RGS8: variants seen among roughly 807,000 people sequenced by gnomAD.
RGS8 encodes the protein regulator of G protein signaling 8, also known as regulator of G-protein signaling 8.
RGS8 carries 8 observed loss-of-function variants against 21.7 expected under a neutral mutation model. The ratio of observed to expected loss-of-function variants is 0.37; its 90% CI spans 0.22 to 0.66. The LOEUF (loss-of-function observed/expected upper bound fraction) is 0.66, where lower values mean the gene tolerates loss of function less well. Among genes scored for constraint, RGS8 ranks in the 30% least tolerant of loss-of-function variants. The probability of loss-of-function intolerance (pLI) is 0.59; values close to 1 mark genes in which losing one functional copy is unlikely to be tolerated. For missense variants in RGS8, 157 were observed against 217.9 expected (o/e 0.72, Z 1.76); for synonymous variants, 80 against 83.6 (o/e 0.96, Z 0.24).
the RGS8 span, among the ~76,000 whole-genome samples, chr1:182,721,025 ATGTGTG>A: frequency 1.3e-4 from 11 of 84,592 alleles, no homozygotes; most frequent in Admixed American, 3.6e-4. Context: ...ACACATATAT[ATGTGTG>A]TATATATACA....
the RGS8 span, among the ~76,000 whole-genome samples, chr1:182,750,903 T>C: frequency 1.3e-5 from 2 of 152,202 alleles, no homozygotes; most frequent in African/African-American, 2.4e-5. Context: ...ACTCACTTTA[T>C]ATGAGATATG....
the RGS8 span, among the ~76,000 whole-genome samples, chr1:182,750,546 T>C: frequency 6.6e-6 from 1 of 152,244 alleles, no homozygotes; most frequent in Non-Finnish European, 1.5e-5. Flanking sequence ...AGTTTTTTCT[T>C]GGATTCTTGG....
intron 5 of RGS8, among the ~76,000 whole-genome samples, chr1:182,662,898 C>T (rs1663663794): frequency 6.6e-6 from 1 of 151,958 alleles, no homozygotes; most frequent in Non-Finnish European, 1.5e-5. Flanking sequence ...TAAATGAGTG[C>T]CCAAAACACC....
rs139635521 is a variant in RGS8, at chr1:182,663,631, C to G, written c.193+2338G>C. Among the ~76,000 whole-genome samples the G allele has an allele frequency of 7.1e-4, 108 of 152,242 alleles. 1 individual carries two copies. The highest frequency in any genetic ancestry group is 2.4e-3 in the African/African-American group (100 of 41,540). On this transcript the variant is annotated intron_variant, in intron 5 of 6. Transcript: ENST00000483095. Reference sequence around the variant, plus strand: ...GCAGCCTCAACCTCCTGGGCTTCAGCAAAATCCTCCTGCCTCAGCCTCCCG... The same window carrying G: ...GCAGCCTCAACCTCCTGGGCTTCAGGAAAATCCTCCTGCCTCAGCCTCCCG...
At chr1:182,664,952 C>T (rs962812061) in intron 5 of RGS8, among the ~76,000 whole-genome samples, 4 of 152,230 alleles carry the variant, frequency 2.6e-5, no homozygotes, top group Non-Finnish European at 5.9e-5. Context: ...CTGAGAGTTT[C>T]TGTCAAGACC....
At chr1:182,669,399 T>C (rs1363245942) in intron 3 of RGS8, among the ~76,000 whole-genome samples, 1 of 152,024 alleles carries the variant, frequency 6.6e-6, no homozygotes, top group Non-Finnish European at 1.5e-5. Flanking sequence ...CACCAGTCAA[T>C]GGGAGGGCTT....
At chr1:182,648,102 A>T (rs1378561044) in intron 6 of RGS8, 35 bp downstream of exon 7, 3 of 1,564,102 alleles carry the variant, frequency 1.9e-6, no homozygotes, top group East Asian at 4.5e-5. Flanking sequence ...GCTAGGAGCC[A>T]TGGATAGACA....
chr1:182,673,193 C>T (rs1403015784), upstream of RGS8, among the ~76,000 whole-genome samples: 1 of 152,150 alleles, frequency 6.6e-6, no homozygotes, highest in African/African-American at 2.4e-5. Context: ...GGAGAAATCT[C>T]GACAGAAAGT....
the RGS8 span, among the ~76,000 whole-genome samples, chr1:182,738,994 T>A: frequency 3.9e-5 from 6 of 152,214 alleles, no homozygotes; most frequent in Non-Finnish European, 8.8e-5. Flanking sequence ...AGATCTGTAG[T>A]TGTATCTCTG....
chr1:182,669,518 G>A (rs1025987137), intron 3 of RGS8, 106 bp downstream of exon 4: 19 of 1,519,220 alleles, frequency 1.3e-5, no homozygotes, highest in South Asian at 9.2e-5. Flanking sequence ...AGTAGACCAC[G>A]CATGGGCTCA....
chr1:182,662,811 A>G (rs1663658861), intron 5 of RGS8, among the ~76,000 whole-genome samples: 1 of 152,130 alleles, frequency 6.6e-6, no homozygotes, highest in Admixed American at 6.5e-5. Context: ...TGCCTTGTTC[A>G]TCTTTGTGCT....
the RGS8 span, among the ~76,000 whole-genome samples, chr1:182,719,442 A>G: frequency 6.8e-6 from 1 of 147,738 alleles, no homozygotes; most frequent in Non-Finnish European, 1.5e-5. Context: ...AGTAAACTCT[A>G]TTTTTCTTTT....
At chr1:182,663,685 C>T (rs1055470175) in intron 5 of RGS8, among the ~76,000 whole-genome samples, 9 of 151,716 alleles carry the variant, frequency 5.9e-5, no homozygotes, top group Admixed American at 1.3e-4. Flanking sequence ...CATTCACCAT[C>T]GCACTCCACT....
chr1:182,658,169 C>T (rs1289069675), intron 5 of RGS8, among the ~76,000 whole-genome samples: 1 of 152,204 alleles, frequency 6.6e-6, no homozygotes, highest in Admixed American at 6.5e-5. Context: ...TCCAAGAACA[C>T]ACCTCAGCTG....
chr1:182,649,151 T>A (rs1486441984), intron 5 of RGS8, among the ~76,000 whole-genome samples: 1 of 152,116 alleles, frequency 6.6e-6, no homozygotes, highest in Non-Finnish European at 1.5e-5. Context: ...ATTTAGGAAG[T>A]TGTAGTAATA....
At chr1:182,701,996 A>G in the RGS8 span, among the ~76,000 whole-genome samples, 7 of 152,368 alleles carry the variant, frequency 4.6e-5, no homozygotes, top group East Asian at 1.3e-3. Context: ...GGGAATGTAA[A>G]TTAGTTCAGC....
chr1:182,695,233 G>A, the RGS8 span, among the ~76,000 whole-genome samples: 3 of 152,080 alleles, frequency 2.0e-5, no homozygotes, highest in Non-Finnish European at 4.4e-5. Flanking sequence ...TTTTCATATT[G>A]ACTCTGGAAA....
the RGS8 span, among the ~76,000 whole-genome samples, chr1:182,723,861 G>T: frequency 1.3e-5 from 2 of 152,074 alleles, no homozygotes; most frequent in Admixed American, 1.3e-4. Flanking sequence ...ATTGTTAAAA[G>T]AAAAACTTTA....
the RGS8 span, among the ~76,000 whole-genome samples, chr1:182,689,832 C>G: frequency 1.1e-4 from 17 of 152,350 alleles, no homozygotes; most frequent in East Asian, 3.1e-3. Flanking sequence ...CATGTGAGCA[C>G]ATGCACATAC....
Sources: gnomAD v4.1 joint callset for allele counts (sites outside exome capture counted in the v4.1 genomes callset) on GRCh38, gnomAD v4.1.1 for gene constraint, MANE v1.5 for transcripts, NCBI Gene and HGNC (gene_info 2026-07-23, HGNC 2026-07-21) for gene names.